RGS6: variants seen among roughly 807,000 people sequenced by gnomAD.
The protein encoded by RGS6 is regulator of G protein signaling 6, also known as regulator of G-protein signaling 6.
A neutral mutation model predicts 78.5 loss-of-function variants in RGS6; 30 were observed. The ratio of observed to expected loss-of-function variants is 0.38; its 90% CI spans 0.29 to 0.52. The LOEUF is 0.52. Ranked by LOEUF, RGS6 falls within the 20% of genes least tolerant of loss-of-function variation. The probability of loss-of-function intolerance (pLI) is 0.85; values close to 1 mark genes in which losing one functional copy is unlikely to be tolerated. For missense variants in RGS6, 495 were observed against 609.7 expected (o/e 0.81, Z 1.98); for synonymous variants, 206 against 206.0 (o/e 1.00, Z 0.00).
chr14:72,250,671 A>G (rs368008923), intron 2 of RGS6, among the ~76,000 whole-genome samples: 1 of 152,222 alleles, frequency 6.6e-6, no homozygotes, highest in Non-Finnish European at 1.5e-5. Flanking sequence ...GAGAGATTGA[A>G]TTGGAATTTG....
chr14:72,511,194 G>T (rs984288876), intron 14 of RGS6, among the ~76,000 whole-genome samples: 1 of 152,142 alleles, frequency 6.6e-6, no homozygotes, highest in South Asian at 2.1e-4. Context: ...CTTTGTACCA[G>T]ATTTTGGTTT....
intron 3 of RGS6, among the ~76,000 whole-genome samples, chr14:72,419,434 G>T (rs1463827047): frequency 6.6e-6 from 1 of 152,226 alleles, no homozygotes; most frequent in African/African-American, 2.4e-5. Context: ...CAGGCAGTCT[G>T]ACTCAGAGTC....
chr14:72,406,923 T>C (rs1290463894), intron 3 of RGS6, among the ~76,000 whole-genome samples: 2 of 152,202 alleles, frequency 1.3e-5, no homozygotes, highest in African/African-American at 2.4e-5. Flanking sequence ...ATGATCTCAA[T>C]AGTCAGGTTG....
the RGS6 span, among the ~76,000 whole-genome samples, chr14:72,608,138 C>A: frequency 1.3e-5 from 2 of 152,190 alleles, no homozygotes; most frequent in Non-Finnish European, 2.9e-5. Flanking sequence ...ACATGTTGTA[C>A]TATTACCTGT....
the RGS6 span, among the ~76,000 whole-genome samples, chr14:71,922,502 C>G: frequency 1.3e-5 from 2 of 152,148 alleles, no homozygotes; most frequent in African/African-American, 4.8e-5. Context: ...AAATAACACC[C>G]AAAGTCTTCA....
At chr14:72,403,291 A>T (rs1596947287) in intron 3 of RGS6, among the ~76,000 whole-genome samples, 1 of 152,264 alleles carries the variant, frequency 6.6e-6, no homozygotes, top group East Asian at 1.9e-4. Context: ...AAACTCTGTC[A>T]TTCATGGCAA....
the RGS6 span, among the ~76,000 whole-genome samples, chr14:71,906,727 T>C: frequency 6.6e-6 from 1 of 152,190 alleles, no homozygotes; most frequent in Non-Finnish European, 1.5e-5. Context: ...GTCAAGAAAT[T>C]GAGAAGCAAT....
intron 2 of RGS6, among the ~76,000 whole-genome samples, chr14:72,203,293 T>C (rs542138951): frequency 2.0e-5 from 3 of 152,236 alleles, no homozygotes; most frequent in Non-Finnish European, 4.4e-5. Context: ...CATAAATTAA[T>C]AGATGAATTA....
chr14:72,153,171 C>A (rs745873733), intron 2 of RGS6, among the ~76,000 whole-genome samples: 16 of 152,106 alleles, frequency 1.1e-4, no homozygotes, highest in Non-Finnish European at 2.2e-4. Flanking sequence ...GTTGGGAAAC[C>A]CTATACCTCA....
intron 2 of RGS6, among the ~76,000 whole-genome samples, chr14:72,147,994 G>T (rs1022523288): frequency 6.6e-6 from 1 of 152,074 alleles, no homozygotes; most frequent in Non-Finnish European, 1.5e-5. Flanking sequence ...AGCTGGGCAT[G>T]GTGGCAGGCG....
At chr14:72,484,882 G>C (rs72726155) in intron 12 of RGS6, among the ~76,000 whole-genome samples, 456 of 151,508 alleles carry the variant, frequency 3.0e-3, no homozygotes, top group Non-Finnish European at 5.0e-3. Context: ...CTGAATAATG[G>C]CTACTAAATG....
At chr14:72,264,411 T>TG (rs1221787714) in intron 2 of RGS6, among the ~76,000 whole-genome samples, 3 of 152,208 alleles carry the variant, frequency 2.0e-5, no homozygotes, top group Admixed American at 6.5e-5. Flanking sequence ...GAGTGGTTAC[T>TG]GGGGGGCAAA....
intron 2 of RGS6, among the ~76,000 whole-genome samples, chr14:72,126,224 G>C (rs1311172491): frequency 6.6e-6 from 1 of 152,220 alleles, no homozygotes; most frequent in African/African-American, 2.4e-5. Context: ...CTTGTTTGCT[G>C]TTAGTAGAAA....
chr14:72,108,325 A>G lies in RGS6; in HGVS notation c.84+143450A>G, dbSNP rs1054065765. On this transcript the variant is annotated intron_variant, in intron 2 of 17. Coordinates refer to ENST00000553525, the MANE Select transcript of RGS6 (RefSeq NM_001204424.2). ...GTTTTTATTTTTTCTTACAAGTCAC[A>G]TTCTCTTTTTGCAAGAAGCCCATAG... Among the ~76,000 whole-genome samples, 3 of 152,062 alleles carry G rather than the reference A, an allele frequency of 2.0e-5. No homozygotes were observed. The South Asian group carries it at 6.2e-4, about 31-fold the overall frequency.
intron 2 of RGS6, among the ~76,000 whole-genome samples, chr14:72,038,302 A>G (rs2091992752): frequency 6.6e-6 from 1 of 152,148 alleles, no homozygotes; most frequent in Non-Finnish European, 1.5e-5. Context: ...CTTTAGCTTT[A>G]TAGAAACCTT....
At chr14:72,140,545 G>A (rs1396432593) in intron 2 of RGS6, among the ~76,000 whole-genome samples, 1 of 152,168 alleles carries the variant, frequency 6.6e-6, no homozygotes, top group Non-Finnish European at 1.5e-5. Context: ...GTGGAGGGAA[G>A]GAGTTGATGA....
intron 2 of RGS6, among the ~76,000 whole-genome samples, chr14:72,351,817 A>G (rs970935160): frequency 6.6e-6 from 1 of 152,340 alleles, no homozygotes; most frequent in South Asian, 2.1e-4. Flanking sequence ...GTTGGATCCC[A>G]TCAAGAATCC....
At chr14:72,310,129 C>T (rs117859404) in intron 2 of RGS6, among the ~76,000 whole-genome samples, 3 of 152,198 alleles carry the variant, frequency 2.0e-5, no homozygotes, top group Non-Finnish European at 4.4e-5. Flanking sequence ...TTCTCCACCC[C>T]GGTGTTCCCA....
chr14:72,158,196 C>T (rs1340948224), intron 2 of RGS6, among the ~76,000 whole-genome samples: 1 of 152,174 alleles, frequency 6.6e-6, no homozygotes, highest in Non-Finnish European at 1.5e-5. Flanking sequence ...GCTGGTCCCT[C>T]CTCAGGGCCG....
Sources: allele counts gnomAD v4.1 joint callset (sites outside exome capture counted in the v4.1 genomes callset), GRCh38; gene constraint gnomAD v4.1.1; transcripts MANE v1.5; gene names NCBI Gene and HGNC (gene_info 2026-07-23, HGNC 2026-07-21).